HSD17B14: variants seen among roughly 807,000 people sequenced by gnomAD.
HSD17B14 encodes hydroxysteroid 17-beta dehydrogenase 14, also known as L-fucose dehydrogenase.
In HSD17B14, 32 loss-of-function variants were observed where a neutral mutation model predicts 32.2. The observed-to-expected ratio is 0.99, with a 90% CI of 0.75 to 1.33. The LOEUF is 1.33. HSD17B14 is among the 40% of genes most tolerant of loss of function. The probability of loss-of-function intolerance (pLI) is 0.00; values close to 1 mark genes in which losing one functional copy is unlikely to be tolerated. For synonymous variants in HSD17B14, 140 were observed against 155.4 expected (o/e 0.90, Z 0.74); for missense variants, 370 against 366.5 (o/e 1.01, Z -0.08).
At chr19:48,825,843 T>C (rs755265951) in intron 5 of HSD17B14, among the ~76,000 whole-genome samples, 31 of 151,878 alleles carry the variant, frequency 2.0e-4, no homozygotes, top group South Asian at 4.2e-4. Flanking sequence ...TATTTTGAGA[T>C]GGAGTCTTGC....
chr19:48,823,276 G>T (rs1483799035), intron 5 of HSD17B14, among the ~76,000 whole-genome samples: 2 of 152,092 alleles, frequency 1.3e-5, no homozygotes, highest in East Asian at 3.9e-4. Context: ...TGGGCGTGGT[G>T]GTGCATGTCT....
At chr19:48,824,496 C>G (rs369811334) in intron 5 of HSD17B14, among the ~76,000 whole-genome samples, 1 of 151,346 alleles carries the variant, frequency 6.6e-6, no homozygotes, top group African/African-American at 2.4e-5. Flanking sequence ...AAGGGCCGGG[C>G]GCAGTGGCTC....
At chr19:48,836,192 G>A (rs1354515371) in intron 1 of HSD17B14, 132 bp downstream of exon 1, 3 of 937,258 alleles carry the variant, frequency 3.2e-6, no homozygotes, top group East Asian at 4.9e-5. Context: ...GCTTACTTTA[G>A]CCTGCAAATT....
Position 48,813,323 on chromosome 19 carries a change from G to A in HSD17B14, c.665C>T (p.Ala222Val), listed in dbSNP as rs2034993455. The A allele has an allele frequency of 6.3e-7, 1 of 1,593,110 alleles. No homozygotes were observed. The highest frequency in any genetic ancestry group is 1.1e-5 in the South Asian group (1 of 88,190). ...GAACACTGCCGCAGCCCCGACCTCA[G>A]CGGGCTGGCCCATGCGGCCCAGTGG... ...AQPLGRMGQPAEVGAAAVFLA... is the reference protein window; with the variant it reads ...AQPLGRMGQPVEVGAAAVFLA... The change falls in exon 9 of 9, where the codon GCT becomes GTT. Residue 222 changes from alanine to valine, a missense_variant. By Grantham distance (64) the Ala-to-Val change is moderately conservative. Coordinates refer to ENST00000263278, the MANE Select transcript of HSD17B14 (RefSeq NM_016246.3).
intron 5 of HSD17B14, among the ~76,000 whole-genome samples, chr19:48,817,282 C>G (rs2035073822): frequency 6.6e-6 from 1 of 151,156 alleles, no homozygotes; most frequent in African/African-American, 2.4e-5. Flanking sequence ...GGTTCAAGCC[C>G]TTCTCCTGCC....
At chr19:48,834,509 T>C (rs112329311) in intron 2 of HSD17B14, 151 bp from the exon 3 acceptor site, 5,532 of 330,978 alleles carry the variant, frequency 0.017, 222 homozygotes, top group Middle Eastern at 0.058. Context: ...CTCCTGGGTC[T>C]GAGGAAGTAG....
intron 3 of HSD17B14, among the ~76,000 whole-genome samples, chr19:48,833,817 ACT>A (rs2035393266): frequency 6.7e-6 from 1 of 150,188 alleles, no homozygotes; most frequent in South Asian, 2.1e-4. Flanking sequence ...CAGGAGCGAA[ACT>A]CTGTCTTAAA....
rs773572475 is a variant in HSD17B14, at chr19:48,834,309, G to A, written c.177C>T (p.Ile59=). The A allele has an allele frequency of 1.2e-6, 2 of 1,614,094 alleles. No individual in the cohort carries two copies. Among genetic ancestry groups the A allele is most frequent in the South Asian group, 2.2e-5 (2 of 91,082 alleles). Reference sequence around the variant, plus strand: ...CATCTTCCTGAGTCACATCACAGAGGATAAAGACAGCTCCAGGGAGCTCCT... The same window carrying A: ...CATCTTCCTGAGTCACATCACAGAGAATAAAGACAGCTCCAGGGAGCTCCT... ...LEQELPGAVF[I]LCDVTQEDDV... Residue 59 remains isoleucine, a synonymous_variant, in exon 3 of 9, where the codon ATC becomes ATT. Coordinates refer to ENST00000263278, the MANE Select transcript of HSD17B14 (RefSeq NM_016246.3).
intron 3 of HSD17B14, 98 bp downstream of exon 3, chr19:48,834,178 G>A (rs533491941): frequency 2.1e-6 from 2 of 967,982 alleles, no homozygotes; most frequent in African/African-American, 3.2e-5. Context: ...GCCAGGAGAG[G>A]AAGGAAAAGT....
chr19:48,821,779 G>A (rs950592848), intron 5 of HSD17B14, among the ~76,000 whole-genome samples: 5 of 151,010 alleles, frequency 3.3e-5, no homozygotes, highest in Admixed American at 2.6e-4. Context: ...TAAGGATGAC[G>A]GTGAAGATGC....
intron 5 of HSD17B14, among the ~76,000 whole-genome samples, chr19:48,828,048 G>T (rs2122782619): frequency 6.6e-6 from 1 of 152,062 alleles, no homozygotes; most frequent in Non-Finnish European, 1.5e-5. Flanking sequence ...TAGAGACGGG[G>T]TTTCACCGCG....
chr19:48,829,290 G>A (rs2035298262), intron 5 of HSD17B14, among the ~76,000 whole-genome samples: 1 of 151,794 alleles, frequency 6.6e-6, no homozygotes, highest in Non-Finnish European at 1.5e-5. Context: ...CCAGGTTGAA[G>A]TGATCCTCTC....
intron 3 of HSD17B14, among the ~76,000 whole-genome samples, chr19:48,833,961 G>T (rs2122804520): frequency 6.6e-6 from 1 of 152,290 alleles, no homozygotes; most frequent in South Asian, 2.1e-4. Flanking sequence ...CTGCACTCCA[G>T]CCTCAGTGAC....
chr19:48,829,495 G>A (rs2035301785), intron 5 of HSD17B14, among the ~76,000 whole-genome samples: 1 of 151,776 alleles, frequency 6.6e-6, no homozygotes. Context: ...GGGATTACAG[G>A]CACCTGCCAC....
Position 48,832,715 on chromosome 19 carries a change from G to C in HSD17B14, c.228C>G (p.Thr76=). 6.2e-7 allele frequency: 1 copy of C among 1,613,078 alleles called. No homozygotes were observed. The highest frequency in any genetic ancestry group is 8.5e-7 in the Non-Finnish European group (1 of 1,179,760). The change falls in exon 4 of 9, where the codon ACC becomes ACG. Residue 76 remains threonine (T), a synonymous_variant. Coordinates refer to ENST00000263278, the MANE Select transcript of HSD17B14 (RefSeq NM_016246.3). ...EDDVKTLVSE[T]IRRFGRLDCV... ...AATCCAGGCGGCCAAATCGGCGGATGGTCTCAGAAACCAGGGTCTGAGGAG... is the reference window on the plus strand; with the variant it reads ...AATCCAGGCGGCCAAATCGGCGGATCGTCTCAGAAACCAGGGTCTGAGGAG...
rs1216942215 is a variant in HSD17B14 at position 48,813,848 on chromosome 19, G to C, written c.475-118C>G. The C allele has an allele frequency of 3.6e-6, 4 of 1,107,212 alleles. No homozygotes were observed. The African/African-American group carries it at 4.6e-5, about 13-fold the overall frequency. The allele number at this position is 1,107,212 out of a possible 1,614,324, so 68.6% of individuals were successfully genotyped here. ...TGGGGAAGTCATGCCCTCCTTGAAG[G>C]CTGCCTTCAGAGGCACCAGGCTTGG... On this transcript the variant is annotated intron_variant, in intron 6 of 8. Coordinates refer to ENST00000263278, the MANE Select transcript of HSD17B14 (RefSeq NM_016246.3).
intron 2 of HSD17B14, 35 bp downstream of exon 2, chr19:48,835,770 A>G (rs1263416330): frequency 1.9e-6 from 3 of 1,611,496 alleles, no homozygotes; most frequent in Non-Finnish European, 2.5e-6. Flanking sequence ...TGAGGGAGGA[A>G]GGGCCAAGGT....
chr19:48,829,407 AG>A (rs948495908), intron 5 of HSD17B14, among the ~76,000 whole-genome samples: 13 of 151,258 alleles, frequency 8.6e-5, no homozygotes, highest in African/African-American at 3.2e-4. Context: ...GCTGGAGTGT[AG>A]TGGCACAATC....
intron 5 of HSD17B14, among the ~76,000 whole-genome samples, chr19:48,822,762 G>A (rs1357822469): frequency 6.6e-6 from 1 of 151,314 alleles, no homozygotes; most frequent in Non-Finnish European, 1.5e-5. Context: ...GGTAATGACA[G>A]TGTTGATGGT....
Sources: gnomAD v4.1 joint callset for allele counts (sites outside exome capture counted in the v4.1 genomes callset) on GRCh38, gnomAD v4.1.1 for gene constraint, MANE v1.5 for transcripts, NCBI Gene and HGNC (gene_info 2026-07-23, HGNC 2026-07-21) for gene names.